The following GLMN variants were observed in gnomAD, a reference collection of about 807,000 sequenced individuals.
GLMN encodes the protein glomulin.
A neutral mutation model predicts 87.8 loss-of-function variants in GLMN; 75 were observed. The ratio of observed to expected loss-of-function variants is 0.85; its 90% CI spans 0.71 to 1.04. GLMN has a LOEUF of 1.04. Among genes scored for constraint, GLMN ranks in the 50% least tolerant of loss-of-function variants. The pLI is 0.00. For synonymous variants in GLMN, 206 were observed against 221.6 expected, an observed-to-expected ratio of 0.93 and a Z score of 0.63; for missense variants, 588 against 658.8, an observed-to-expected ratio of 0.89 and a Z score of 1.18.
chr1:92,252,713 T>C (rs1484522117), intron 16 of GLMN, among the ~76,000 whole-genome samples: 2 of 152,144 alleles, frequency 1.3e-5, no homozygotes, highest in African/African-American at 4.8e-5. Context: ...TTTAAAGAAA[T>C]AATAAATACT....
the GLMN span, among the ~76,000 whole-genome samples, chr1:92,323,060 AC>A: frequency 1.4e-5 from 2 of 146,148 alleles, no homozygotes; most frequent in African/African-American, 2.5e-5. Flanking sequence ...TTATATATAT[AC>A]TTTATATATA....
At chr1:92,254,748 G>A (rs1322608362) in intron 16 of GLMN, among the ~76,000 whole-genome samples, 2 of 152,096 alleles carry the variant, frequency 1.3e-5, no homozygotes, top group African/African-American at 4.8e-5. Flanking sequence ...CCTTACAAGA[G>A]CTCCTGAAGG....
the GLMN span, among the ~76,000 whole-genome samples, chr1:92,359,749 A>T: frequency 6.6e-6 from 1 of 152,234 alleles, no homozygotes; most frequent in African/African-American, 2.4e-5. Flanking sequence ...AAGAATGGTG[A>T]TGAAAATCAG....
At chr1:92,290,168 G>T in intron 5 of GLMN, 30 bp downstream of exon 5, 1 of 1,191,536 alleles carries the variant, frequency 8.4e-7, no homozygotes, top group Non-Finnish European at 1.3e-6. Flanking sequence ...GATACAACAA[G>T]AAGTACTCTG....
intron 16 of GLMN, among the ~76,000 whole-genome samples, chr1:92,255,322 C>T (rs1315372146): frequency 1.3e-5 from 2 of 152,140 alleles, no homozygotes; most frequent in Admixed American, 6.5e-5. Flanking sequence ...GACTTTAAGA[C>T]TCCACTGTCA....
Position 92,290,205 on chromosome 1 carries a change from T to C in GLMN, c.387A>G (p.Leu129=). The C allele has an allele frequency of 2.5e-6, 4 of 1,573,474 alleles. No homozygotes were observed. Among genetic ancestry groups the C allele is most frequent in the Non-Finnish European group, 3.5e-6 (4 of 1,143,384 alleles). ...TATCAAAATTCTCATTACCTGTTTG[T>C]AATGGCTGAAGCAAAAGAAGAATAC... is the stretch of plus-strand genomic sequence containing the variant. ...SQSILLLLQP[L]QTVIQKLHNK... Residue 129 remains leucine (L), a synonymous_variant, in exon 5 of 19, where the codon TTA becomes TTG. Transcript: ENST00000370360.
chr1:92,316,958 C>G, the GLMN span, among the ~76,000 whole-genome samples: 12 of 152,006 alleles, frequency 7.9e-5, no homozygotes, highest in African/African-American at 2.4e-4. Context: ...GATCTAGAAA[C>G]AATGTTGAGT....
At chr1:92,322,770 G>T in the GLMN span, among the ~76,000 whole-genome samples, 1 of 151,488 alleles carries the variant, frequency 6.6e-6, no homozygotes, top group Non-Finnish European at 1.5e-5. Flanking sequence ...CCAGCTACTT[G>T]GGAGGCCGAG....
intron 7 of GLMN, among the ~76,000 whole-genome samples, chr1:92,284,160 C>T (rs991351553): frequency 1.3e-5 from 2 of 152,102 alleles, no homozygotes; most frequent in African/African-American, 4.8e-5. Context: ...CCCGTATAGC[C>T]AAGACAATCC....
At chr1:92,331,826 G>C in the GLMN span, among the ~76,000 whole-genome samples, 2 of 151,916 alleles carry the variant, frequency 1.3e-5, no homozygotes, top group Non-Finnish European at 2.9e-5. Context: ...AGTATCAGTT[G>C]ATAAAGAATT....
chr1:92,299,229 TC>T, upstream of GLMN: 1 of 819,318 alleles, frequency 1.2e-6, no homozygotes. Flanking sequence ...GCGCGGGCGC[TC>T]CTGAAAGGCT....
At chr1:92,250,315 GTT>G (rs1178745330) in intron 16 of GLMN, among the ~76,000 whole-genome samples, 2 of 151,666 alleles carry the variant, frequency 1.3e-5, no homozygotes, top group Non-Finnish European at 2.9e-5. Context: ...AATTTTTCAT[GTT>G]TAAAAGCACA....
At chr1:92,336,521 C>A in the GLMN span, 1 of 791,436 alleles carries the variant, frequency 1.3e-6, no homozygotes, top group Non-Finnish European at 2.1e-6. Context: ...AAGTGACTTA[C>A]CTTTCAATGT....
chr1:92,311,908 A>T, the GLMN span, among the ~76,000 whole-genome samples: 1 of 152,186 alleles, frequency 6.6e-6, no homozygotes, highest in African/African-American at 2.4e-5. Flanking sequence ...GCAAGTATTA[A>T]TCTTTTTGCT....
the GLMN span, among the ~76,000 whole-genome samples, chr1:92,363,932 A>G: frequency 1.3e-5 from 2 of 152,174 alleles, no homozygotes; most frequent in Non-Finnish European, 2.9e-5. Flanking sequence ...TGTTGTCTCT[A>G]AGGCTTCTGG....
At chr1:92,303,485 A>G (rs1463587116), upstream of GLMN, among the ~76,000 whole-genome samples, 2 of 152,216 alleles carry the variant, frequency 1.3e-5, no homozygotes, top group Non-Finnish European at 2.9e-5. Flanking sequence ...CAGATTTTTC[A>G]GAAGTAGGAA....
chr1:92,332,674 A>G, the GLMN span, among the ~76,000 whole-genome samples: 1 of 152,090 alleles, frequency 6.6e-6, no homozygotes, highest in Admixed American at 6.5e-5. Context: ...TCTATTTCCT[A>G]TTCTTACTGT....
At chr1:92,326,067 G>A in the GLMN span, among the ~76,000 whole-genome samples, 33 of 151,584 alleles carry the variant, frequency 2.2e-4, no homozygotes, top group Non-Finnish European at 4.0e-4. Flanking sequence ...GTGGGTTATC[G>A]TATATGCATA....
intron 7 of GLMN, among the ~76,000 whole-genome samples, chr1:92,281,936 T>C (rs1044043667): frequency 6.6e-6 from 1 of 152,186 alleles, no homozygotes; most frequent in Non-Finnish European, 1.5e-5. Context: ...ATCCTAAATA[T>C]ATATGCACCC....
Sources: allele counts gnomAD v4.1 joint callset (sites outside exome capture counted in the v4.1 genomes callset), GRCh38; gene constraint gnomAD v4.1.1; transcripts MANE v1.5; gene names NCBI Gene and HGNC (gene_info 2026-07-23, HGNC 2026-07-21).